Variants in SCFD2 observed in about 807,000 individuals in gnomAD.
The protein encoded by SCFD2 is sec1 family domain containing 2, also known as sec1 family domain-containing protein 2.
SCFD2 carries 54 observed loss-of-function variants against 58.9 expected under a neutral mutation model. That is an observed-to-expected ratio of 0.92 (90% CI 0.74 to 1.15). The LOEUF (loss-of-function observed/expected upper bound fraction) is 1.15. SCFD2 is among the 50% of genes most tolerant of loss of function. The pLI is 0.00. For synonymous variants in SCFD2, 321 were observed against 335.9 expected (o/e 0.96, Z 0.49); for missense variants, 805 against 836.6 (o/e 0.96, Z 0.47).
At chr4:53,249,094 T>C (rs1018215212) in intron 4 of SCFD2, among the ~76,000 whole-genome samples, 29 of 152,012 alleles carry the variant, frequency 1.9e-4, no homozygotes, top group African/African-American at 6.8e-4. Flanking sequence ...GAATAACCAA[T>C]ACAGAGAAGT....
At chr4:53,354,377 C>T (rs576331613) in intron 1 of SCFD2, among the ~76,000 whole-genome samples, 2 of 152,218 alleles carry the variant, frequency 1.3e-5, no homozygotes, top group African/African-American at 2.4e-5. Flanking sequence ...AAGTGTGGGG[C>T]GCGCCGAGCC....
rs766519944 is a variant in SCFD2 at position 53,074,567 on chromosome 4, A to G, written c.1561+70766T>C. Among the ~76,000 whole-genome samples, 8 of 152,192 alleles carry G rather than the reference A, an allele frequency of 5.3e-5. No individual in the cohort carries two copies. The South Asian group carries it at 1.7e-3, about 32-fold the overall frequency. ...TATAGCCTTAAAAAATGTATTTCTTAAATAATATGACTTAAAAATCAAAAT... is the reference window on the plus strand; with the variant it reads ...TATAGCCTTAAAAAATGTATTTCTTGAATAATATGACTTAAAAATCAAAAT... On this transcript the variant is annotated intron_variant, in intron 5 of 8. Coordinates refer to ENST00000401642, the MANE Select transcript of SCFD2 (RefSeq NM_152540.4).
chr4:52,967,617 A>G (rs1236404442), intron 5 of SCFD2, among the ~76,000 whole-genome samples: 1 of 152,148 alleles, frequency 6.6e-6, no homozygotes, highest in East Asian at 1.9e-4. Flanking sequence ...TGTTCCTTCC[A>G]TGGGAGAAGT....
intron 5 of SCFD2, among the ~76,000 whole-genome samples, chr4:53,110,542 C>T (rs1372968522): frequency 6.6e-6 from 1 of 152,124 alleles, no homozygotes; most frequent in South Asian, 2.1e-4. Flanking sequence ...AACAAATTTA[C>T]AAGAAAACAA....
At chr4:53,226,914 A>T (rs1180393426) in intron 4 of SCFD2, among the ~76,000 whole-genome samples, 1 of 152,222 alleles carries the variant, frequency 6.6e-6, no homozygotes, top group Admixed American at 6.5e-5. Flanking sequence ...TACAGTTATC[A>T]GGGGATTACA....
At chr4:53,298,446 G>A (rs1732132468) in intron 3 of SCFD2, among the ~76,000 whole-genome samples, 1 of 152,228 alleles carries the variant, frequency 6.6e-6, no homozygotes, top group Non-Finnish European at 1.5e-5. Context: ...AAAGCGGCCA[G>A]GAAGCTCGAA....
chr4:53,058,950 G>C (rs1723426721), intron 5 of SCFD2, among the ~76,000 whole-genome samples: 1 of 152,100 alleles, frequency 6.6e-6, no homozygotes, highest in African/African-American at 2.4e-5. Flanking sequence ...ACTTGGAGCT[G>C]AGAAAACCAT....
intron 5 of SCFD2, among the ~76,000 whole-genome samples, chr4:53,071,551 T>A (rs186507419): frequency 6.6e-6 from 1 of 152,220 alleles, no homozygotes; most frequent in East Asian, 1.9e-4. Context: ...GAAATAAATA[T>A]CATTTTTAAT....
intron 5 of SCFD2, among the ~76,000 whole-genome samples, chr4:53,114,877 T>C (rs1020165499): frequency 2.6e-5 from 4 of 152,102 alleles, no homozygotes; most frequent in Non-Finnish European, 4.4e-5. Context: ...GATATATGAG[T>C]AATGTTTCCA....
intron 5 of SCFD2, among the ~76,000 whole-genome samples, chr4:53,028,541 G>C (rs1429551854): frequency 6.6e-6 from 1 of 152,034 alleles, no homozygotes; most frequent in African/African-American, 2.4e-5. Flanking sequence ...CTCATATTAT[G>C]GCTCAATGCT....
chr4:53,034,715 C>A (rs1355422841), intron 5 of SCFD2, among the ~76,000 whole-genome samples: 4 of 152,256 alleles, frequency 2.6e-5, no homozygotes, highest in African/African-American at 9.6e-5. Context: ...GAGTGAACTC[C>A]CATTCCCAAT....
chr4:53,047,173 A>G (rs1723062172), intron 5 of SCFD2, among the ~76,000 whole-genome samples: 1 of 152,230 alleles, frequency 6.6e-6, no homozygotes, highest in African/African-American at 2.4e-5. Context: ...CTCACTGAGC[A>G]CAGTGGCTGA....
At chr4:53,245,372 A>C (rs187530176) in intron 4 of SCFD2, among the ~76,000 whole-genome samples, 6 of 152,282 alleles carry the variant, frequency 3.9e-5, no homozygotes, top group African/African-American at 1.2e-4. Context: ...AACGCTAGCA[A>C]ACTGAATCCA....
At chr4:53,216,853 T>C (rs1728858258) in intron 4 of SCFD2, among the ~76,000 whole-genome samples, 1 of 152,250 alleles carries the variant, frequency 6.6e-6, no homozygotes. Context: ...TGTGTCTTTG[T>C]TCTCATTGGT....
chr4:53,199,640 G>T (rs1577832633), intron 4 of SCFD2, among the ~76,000 whole-genome samples: 1 of 152,024 alleles, frequency 6.6e-6, no homozygotes, highest in Admixed American at 6.6e-5. Context: ...ACTTCAGATT[G>T]AGCTCTACAA....
At chr4:52,887,476 G>T (rs1718765714) in intron 7 of SCFD2, among the ~76,000 whole-genome samples, 1 of 152,194 alleles carries the variant, frequency 6.6e-6, no homozygotes, top group Admixed American at 6.5e-5. Context: ...GATTCCTGAA[G>T]ACAGTATGTT....
rs73149225 is a variant in SCFD2, at chr4:53,280,432, C to A, written c.1136-6431G>T. ...TCAGGAGGCTGAGACACGAGAATTA[C>A]CTGAGCCCAGGAGACAGAGGTTGCA... is the stretch of plus-strand genomic sequence containing the variant. On this transcript the variant is annotated intron_variant, in intron 3 of 8. Coordinates refer to ENST00000401642, the MANE Select transcript of SCFD2 (RefSeq NM_152540.4). Among the ~76,000 whole-genome samples, 1,389 of 152,122 alleles carry A rather than the reference C, an allele frequency of 9.1e-3. 22 individuals are homozygous for A. Among genetic ancestry groups the A allele is most frequent in the African/African-American group, 0.032 (1,310 of 41,502 alleles).
chr4:52,884,563 C>T (rs1390076555), intron 8 of SCFD2, among the ~76,000 whole-genome samples: 1 of 152,148 alleles, frequency 6.6e-6, no homozygotes, highest in Admixed American at 6.5e-5. Context: ...TTCTTCTTCA[C>T]TGTCTTTTTT....
intron 1 of SCFD2, among the ~76,000 whole-genome samples, chr4:53,364,541 AAAAT>A: frequency 6.6e-6 from 1 of 152,356 alleles, no homozygotes; most frequent in Middle Eastern, 3.4e-3. Context: ...ATGAGAGCTA[AAAAT>A]AAATCAATAA....
Sources: allele counts gnomAD v4.1 joint callset (sites outside exome capture counted in the v4.1 genomes callset), GRCh38; gene constraint gnomAD v4.1.1; transcripts MANE v1.5; gene names NCBI Gene and HGNC (gene_info 2026-07-23, HGNC 2026-07-21).